The following DLG2 variants were observed in gnomAD, a reference collection of about 807,000 sequenced individuals.
DLG2 encodes the protein discs large MAGUK scaffold protein 2.
In DLG2, 45 loss-of-function variants were observed where a neutral mutation model predicts 132.5. The ratio of observed to expected loss-of-function variants is 0.34; its 90% CI spans 0.27 to 0.44. The LOEUF is 0.44. Among genes scored for constraint, DLG2 ranks in the 20% least tolerant of loss-of-function variants. DLG2 has a pLI of 1.00. For synonymous variants in DLG2, 424 were observed against 419.6 expected, an observed-to-expected ratio of 1.01 and a Z score of -0.13; for missense variants, 1,045 against 1,196.9, an observed-to-expected ratio of 0.87 and a Z score of 1.87.
intron 7 of DLG2, among the ~76,000 whole-genome samples, chr11:84,412,461 C>T (rs2098911745): frequency 6.6e-6 from 1 of 152,144 alleles, no homozygotes; most frequent in Non-Finnish European, 1.5e-5. Context: ...TTCACTTACT[C>T]AGAACAACCT....
chr11:84,466,465 A>G (rs925212720), intron 7 of DLG2, among the ~76,000 whole-genome samples: 1 of 151,364 alleles, frequency 6.6e-6, no homozygotes, highest in African/African-American at 2.4e-5. Flanking sequence ...AAAGCCCAAG[A>G]GAACAATGAG....
At chr11:84,752,651 C>T (rs1198551211) in intron 6 of DLG2, among the ~76,000 whole-genome samples, 1 of 146,398 alleles carries the variant, frequency 6.8e-6, no homozygotes, top group Non-Finnish European at 1.5e-5. Flanking sequence ...ATGTGCCATG[C>T]TGGTGCGCTG....
intron 7 of DLG2, among the ~76,000 whole-genome samples, chr11:84,412,334 T>A (rs1461558906): frequency 6.6e-6 from 1 of 151,722 alleles, no homozygotes; most frequent in Admixed American, 6.6e-5. Flanking sequence ...ACCCTGATTG[T>A]GCCAAATACT....
chr11:84,587,067 T>C (rs2099531542), intron 6 of DLG2, among the ~76,000 whole-genome samples: 1 of 152,236 alleles, frequency 6.6e-6, no homozygotes, highest in African/African-American at 2.4e-5. Context: ...CTCCCTAGTC[T>C]AGTTCAGGTC....
At chr11:83,966,972 T>C (rs574104859) in intron 12 of DLG2, among the ~76,000 whole-genome samples, 1 of 152,192 alleles carries the variant, frequency 6.6e-6, no homozygotes, top group African/African-American at 2.4e-5. Context: ...ATTCCACATA[T>C]AAGTGAGATC....
intron 6 of DLG2, among the ~76,000 whole-genome samples, chr11:84,913,414 T>C (rs566646176): frequency 6.8e-4 from 104 of 152,332 alleles, no homozygotes; most frequent in African/African-American, 2.4e-3. Flanking sequence ...AAGGTTACAC[T>C]TGAAAGCTTT....
intron 8 of DLG2, among the ~76,000 whole-genome samples, chr11:84,179,122 CAAT>C (rs2096054274): frequency 6.6e-6 from 1 of 151,914 alleles, no homozygotes; most frequent in Non-Finnish European, 1.5e-5. Context: ...AGTATGACAA[CAAT>C]GACACATCAA....
intron 21 of DLG2, among the ~76,000 whole-genome samples, chr11:83,497,284 T>C (rs1237066980): frequency 6.6e-6 from 1 of 152,236 alleles, no homozygotes; most frequent in Non-Finnish European, 1.5e-5. Context: ...GGCTCACGCC[T>C]GTAATCCCAG....
chr11:84,089,467 T>C (rs899852966), intron 10 of DLG2, among the ~76,000 whole-genome samples: 12 of 152,182 alleles, frequency 7.9e-5, no homozygotes, highest in Non-Finnish European at 1.5e-4. Flanking sequence ...AGTTAGTGGA[T>C]ATACATTAAT....
At chr11:84,545,751 C>CTTTTTTTTTTTTTTTTT (rs35596423) in intron 6 of DLG2, 1 of 106,434 alleles carries the variant, frequency 9.4e-6, no homozygotes, top group Non-Finnish European at 1.8e-5. Context: ...AGGTGATGTT[C>CTTTTTTTTTTTTTTTTT]TTTTTTTTTT....
intron 2 of DLG2, among the ~76,000 whole-genome samples, chr11:85,623,116 A>G (rs1299704939): frequency 6.6e-6 from 1 of 152,126 alleles, no homozygotes; most frequent in Non-Finnish European, 1.5e-5. Context: ...TTTGAAAGCT[A>G]TAATGTCAAA....
intron 3 of DLG2, among the ~76,000 whole-genome samples, chr11:85,542,577 C>T (rs1325161049): frequency 6.6e-6 from 1 of 152,058 alleles, no homozygotes; most frequent in Admixed American, 6.5e-5. Context: ...TAATATATGA[C>T]AACATGAACA....
At chr11:85,496,585 T>G (rs1597929941) in intron 3 of DLG2, among the ~76,000 whole-genome samples, 2 of 152,154 alleles carry the variant, frequency 1.3e-5, no homozygotes, top group Admixed American at 6.6e-5. Context: ...CAGCATGGCA[T>G]ATGAGCTCCA....
intron 6 of DLG2, among the ~76,000 whole-genome samples, chr11:84,867,252 T>C (rs1417404683): frequency 6.6e-6 from 1 of 152,200 alleles, no homozygotes; most frequent in Non-Finnish European, 1.5e-5. Flanking sequence ...AGAGAATTCA[T>C]GAACTCCTAT....
chr11:84,483,863 G>T (rs1430191844), intron 7 of DLG2, among the ~76,000 whole-genome samples: 1 of 152,154 alleles, frequency 6.6e-6, no homozygotes, highest in African/African-American at 2.4e-5. Context: ...TGGAGAGTTC[G>T]TTGGCCAGTG....
At chr11:84,083,736 G>A (rs578251453) in intron 10 of DLG2, among the ~76,000 whole-genome samples, 1 of 152,288 alleles carries the variant, frequency 6.6e-6, no homozygotes, top group African/African-American at 2.4e-5. Context: ...GGACTTGCCA[G>A]CCTCCAGAAC....
chr11:84,664,281 AAAAACAAAAC>A (rs952560277), intron 6 of DLG2, among the ~76,000 whole-genome samples: 5 of 152,102 alleles, frequency 3.3e-5, no homozygotes, highest in Non-Finnish European at 4.4e-5. Context: ...TTGGCTCTCA[AAAAACAAAAC>A]AAAACAAAAC....
At chr11:85,090,140 C>T (rs1351056972) in intron 6 of DLG2, among the ~76,000 whole-genome samples, 1 of 152,112 alleles carries the variant, frequency 6.6e-6, no homozygotes, top group African/African-American at 2.4e-5. Context: ...AATAATGCTA[C>T]CATGAGATAA....
chr11:85,231,559 A>T (rs951800145), intron 4 of DLG2, among the ~76,000 whole-genome samples: 1 of 151,386 alleles, frequency 6.6e-6, no homozygotes, highest in Non-Finnish European at 1.5e-5. Flanking sequence ...TCTATTGACT[A>T]TTTTTTTTCA....
Sources: gnomAD v4.1 joint callset for allele counts (sites outside exome capture counted in the v4.1 genomes callset) on GRCh38, gnomAD v4.1.1 for gene constraint, MANE v1.5 for transcripts, NCBI Gene and HGNC (gene_info 2026-07-23, HGNC 2026-07-21) for gene names.